The following DCDC2 variants were observed in gnomAD, a reference collection of about 807,000 sequenced individuals.
DCDC2 encodes doublecortin domain-containing protein 2.
A neutral mutation model predicts 50.2 loss-of-function variants in DCDC2; 40 were observed. That is an observed-to-expected ratio of 0.80 (90% CI 0.62 to 1.04). The LOEUF (loss-of-function observed/expected upper bound fraction) is 1.04, where lower values mean the gene tolerates loss of function less well. Ranked by LOEUF, DCDC2 falls within the 50% of genes least tolerant of loss-of-function variation. DCDC2 has a pLI of 0.00. For synonymous variants in DCDC2, 234 were observed against 210.6 expected (o/e 1.11, Z -0.96); for missense variants, 570 against 581.9 (o/e 0.98, Z 0.21).
chr6:24,268,800 G>A (rs181805520), intron 7 of DCDC2, among the ~76,000 whole-genome samples: 25 of 152,204 alleles, frequency 1.6e-4, no homozygotes, highest in African/African-American at 5.5e-4. Context: ...TTGAACCCCC[G>A]ACCTCAGGTG....
intron 2 of DCDC2, among the ~76,000 whole-genome samples, chr6:24,309,463 C>G (rs567826575): frequency 2.3e-4 from 35 of 152,126 alleles, no homozygotes; most frequent in African/African-American, 8.2e-4. Context: ...TGGAATTACA[C>G]TGTTGTACAG....
At chr6:24,221,085 AT>A (rs1561895735) in intron 7 of DCDC2, among the ~76,000 whole-genome samples, 1 of 152,152 alleles carries the variant, frequency 6.6e-6, no homozygotes, top group African/African-American at 2.4e-5. Context: ...GAGCCAAGCC[AT>A]ATCATCCACA....
chr6:24,252,295 C>T (rs1762810381), intron 7 of DCDC2, among the ~76,000 whole-genome samples: 1 of 152,088 alleles, frequency 6.6e-6, no homozygotes. Context: ...TTTAACTATA[C>T]TATAATTTCC....
chr6:24,249,370 C>G (rs892287911), intron 7 of DCDC2, among the ~76,000 whole-genome samples: 1 of 152,188 alleles, frequency 6.6e-6, no homozygotes, highest in African/African-American at 2.4e-5. Context: ...GAAGACAAGT[C>G]TCTATTCACT....
chr6:24,193,307 A>C (rs993573961), intron 8 of DCDC2, among the ~76,000 whole-genome samples: 2 of 152,216 alleles, frequency 1.3e-5, no homozygotes, highest in Non-Finnish European at 2.9e-5. Context: ...ATCCAAAAAA[A>C]GAAGAGAACC....
chr6:24,375,849 A>AAG, the DCDC2 span, among the ~76,000 whole-genome samples: 2 of 151,296 alleles, frequency 1.3e-5, no homozygotes, highest in African/African-American at 4.9e-5. Flanking sequence ...AAGGGAGAGT[A>AAG]AGAGGAAGAA....
intron 2 of DCDC2, among the ~76,000 whole-genome samples, chr6:24,338,716 C>T: frequency 1.3e-5 from 2 of 152,198 alleles, no homozygotes; most frequent in East Asian, 3.8e-4. Context: ...GTGATCCCAG[C>T]TCACTGCAAA....
At chr6:24,244,652 C>T (rs1762633126) in intron 7 of DCDC2, among the ~76,000 whole-genome samples, 1 of 152,230 alleles carries the variant, frequency 6.6e-6, no homozygotes, top group African/African-American at 2.4e-5. Flanking sequence ...CTCTCCATTC[C>T]CCACCTTAAA....
In DCDC2 at chr6:24,357,431, G is replaced by T. The variant is rs144752285; in HGVS notation, c.293+27C>A. 1.9e-3 allele frequency: 3,044 copies of T among 1,571,076 alleles called. 25 individuals are homozygous for T. The African/African-American group carries it at 0.024, about 12-fold the overall frequency. ...CCCCACACTATAGGGCACCTAAATGGGTGGGCGGTGGGGGAGACCGACTCA... is the reference window on the plus strand; with the variant it reads ...CCCCACACTATAGGGCACCTAAATGTGTGGGCGGTGGGGGAGACCGACTCA... On this transcript the variant is annotated intron_variant, in intron 1 of 9. Transcript: ENST00000378454.
chr6:24,262,941 G>A (rs1014625772), intron 7 of DCDC2, among the ~76,000 whole-genome samples: 1 of 152,214 alleles, frequency 6.6e-6, no homozygotes, highest in East Asian at 1.9e-4. Flanking sequence ...CCTGGCTTTA[G>A]GTCTGATCCA....
chr6:24,282,659 A>C (rs923859692), intron 6 of DCDC2, among the ~76,000 whole-genome samples: 1 of 152,030 alleles, frequency 6.6e-6, no homozygotes, highest in Non-Finnish European at 1.5e-5. Context: ...ATGTGCCAAA[A>C]ACATATAGAC....
intron 7 of DCDC2, among the ~76,000 whole-genome samples, chr6:24,267,334 A>G (rs1419771262): frequency 6.6e-6 from 1 of 152,166 alleles, no homozygotes; most frequent in Non-Finnish European, 1.5e-5. Context: ...GAAATGATAA[A>G]TGCTTGAGGT....
At chr6:24,220,337 T>A (rs1296919144) in intron 7 of DCDC2, among the ~76,000 whole-genome samples, 1 of 152,230 alleles carries the variant, frequency 6.6e-6, no homozygotes, top group African/African-American at 2.4e-5. Flanking sequence ...ATAATGGACA[T>A]TTTTAATTTT....
intron 8 of DCDC2, among the ~76,000 whole-genome samples, chr6:24,200,698 G>C (rs1362588371): frequency 1.3e-5 from 2 of 151,944 alleles, no homozygotes; most frequent in African/African-American, 4.8e-5. Flanking sequence ...AAAAGACACA[G>C]ACTGCCAATT....
intron 7 of DCDC2, among the ~76,000 whole-genome samples, chr6:24,242,484 C>T (rs901468837): frequency 2.0e-5 from 3 of 152,200 alleles, no homozygotes; most frequent in African/African-American, 4.8e-5. Flanking sequence ...CTGGCACCTT[C>T]GCTGTGAAGT....
intron 7 of DCDC2, among the ~76,000 whole-genome samples, chr6:24,216,977 G>C (rs1199617518): frequency 6.6e-6 from 1 of 152,154 alleles, no homozygotes; most frequent in African/African-American, 2.4e-5. Context: ...AAGAAAGTGA[G>C]AAACCTGCAG....
rs368422784 is a variant in DCDC2 at position 24,226,260 on chromosome 6, T to C, written c.923-21158A>G. Reference sequence around the variant, plus strand: ...ACAGTCCCTGGCCTCAAATAGATCATCTTCCTAATACATAATAATTTACAT... The same window carrying C: ...ACAGTCCCTGGCCTCAAATAGATCACCTTCCTAATACATAATAATTTACAT... On this transcript the variant is annotated intron_variant, in intron 7 of 9. Coordinates refer to ENST00000378454, the MANE Select transcript of DCDC2 (RefSeq NM_016356.5). Among the ~76,000 whole-genome samples, 134 of 152,314 alleles carry C rather than the reference T, an allele frequency of 8.8e-4. No homozygotes were observed. In the South Asian group the frequency reaches 0.026, roughly 30 times the overall value.
At chr6:24,368,306 G>A in the DCDC2 span, among the ~76,000 whole-genome samples, 11 of 152,010 alleles carry the variant, frequency 7.2e-5, no homozygotes, top group African/African-American at 2.7e-4. Context: ...AAAGTTTTCT[G>A]TAATTATTGA....
chr6:24,231,234 C>G (rs1762330928), intron 7 of DCDC2, among the ~76,000 whole-genome samples: 1 of 152,182 alleles, frequency 6.6e-6, no homozygotes, highest in Non-Finnish European at 1.5e-5. Context: ...CTGTGTGTCT[C>G]CCTCAGGAGA....
Sources: gnomAD v4.1 joint callset for allele counts (sites outside exome capture counted in the v4.1 genomes callset) on GRCh38, gnomAD v4.1.1 for gene constraint, MANE v1.5 for transcripts, NCBI Gene and HGNC (gene_info 2026-07-23, HGNC 2026-07-21) for gene names.